Variants in SIGLEC5 observed in about 807,000 individuals in gnomAD.
SIGLEC5 encodes sialic acid-binding Ig-like lectin 5.
A neutral mutation model predicts 45.9 loss-of-function variants in SIGLEC5; 34 were observed. That is an observed-to-expected ratio of 0.74 (90% CI 0.56 to 0.99). The LOEUF (loss-of-function observed/expected upper bound fraction) is 0.99, where lower values mean the gene tolerates loss of function less well. Among genes scored for constraint, SIGLEC5 ranks in the 50% least tolerant of loss-of-function variants. The pLI is 0.00. For synonymous variants in SIGLEC5, 203 were observed against 258.6 expected, an observed-to-expected ratio of 0.79 and a Z score of 2.06; for missense variants, 508 against 629.6, an observed-to-expected ratio of 0.81 and a Z score of 2.07.
chr19:51,616,853 G>C (rs1426302850), intron 8 of SIGLEC5, among the ~76,000 whole-genome samples: 1 of 138,826 alleles, frequency 7.2e-6, no homozygotes, highest in African/African-American at 2.8e-5. Context: ...AGAGATTGCA[G>C]TGAGCCGAGA....
intron 8 of SIGLEC5, among the ~76,000 whole-genome samples, chr19:51,613,736 AGGT>A (rs886518639): frequency 3.3e-5 from 5 of 152,114 alleles, no homozygotes; most frequent in Admixed American, 1.3e-4. Flanking sequence ...AGGGAAACTG[AGGT>A]GGAGAGAGGT....
intron 8 of SIGLEC5, among the ~76,000 whole-genome samples, chr19:51,624,672 A>C (rs1983411850): frequency 6.6e-6 from 1 of 152,086 alleles, no homozygotes; most frequent in African/African-American, 2.4e-5. Flanking sequence ...GTCCTTCAAG[A>C]ATTCCACAGA....
At position 51,611,128 on chromosome 19, in the gene SIGLEC5, T is replaced by G. The variant is rs1982836557; in HGVS notation, c.*1103A>C. 6.6e-6 allele frequency among the ~76,000 whole-genome samples: 1 copy of G among 152,238 alleles called. No homozygotes were observed. Among genetic ancestry groups the G allele is most frequent in the African/African-American group, 2.4e-5 (1 of 41,468 alleles). The stretch of plus-strand genomic sequence containing the variant: ...TCCTCCCAGTACTCCACTGGAATTA[T>G]CCACTCATTTCCTCATGACCACTTG... On this transcript the variant is annotated 3_prime_UTR_variant, in exon 9 of 9. Coordinates refer to ENST00000683636, the MANE Select transcript of SIGLEC5 (RefSeq NM_003830.4).
At chr19:51,628,638 CAT>C (rs1415384251) in intron 4 of SIGLEC5, among the ~76,000 whole-genome samples, 4 of 147,788 alleles carry the variant, frequency 2.7e-5, no homozygotes, top group Non-Finnish European at 6.0e-5. Flanking sequence ...GGTGTATCTG[CAT>C]ATGTGTGTGT....
Position 51,627,546 on chromosome 19 carries a change from C to A in SIGLEC5, c.1198G>T (p.Gly400Trp), listed in dbSNP as rs749481373. The A allele has an allele frequency of 4.3e-6, 7 of 1,614,016 alleles. No homozygotes were observed. The highest frequency in any genetic ancestry group is 1.3e-5 in the African/African-American group (1 of 74,940). The change falls in exon 6 of 9, where the codon GGG becomes TGG. Residue 400 changes from glycine (G) to tryptophan (W), a missense_variant. Physicochemically the swap from Gly to Trp is radical, Grantham distance 184. Transcript: ENST00000683636. ...PWANSSLILH[G>W]GLSSDLKVSC... ...ACTTTGAGGTCGGAGCTGAGCCCCC[C>A]GTGGAGGATCAGGGAGCTGTTGGCC...
chr19:51,628,933 T>G, intron 4 of SIGLEC5, 105 bp downstream of exon 4: 1 of 1,165,922 alleles, frequency 8.6e-7, no homozygotes, highest in Non-Finnish European at 1.2e-6. Flanking sequence ...TAATTCTCAT[T>G]CTTGCTCTTC....
chr19:51,614,502 T>C (rs916702355), intron 8 of SIGLEC5, among the ~76,000 whole-genome samples: 1 of 152,028 alleles, frequency 6.6e-6, no homozygotes, highest in African/African-American at 2.4e-5. Context: ...AAAAATAGAC[T>C]TTCTGGAGAG....
chr19:51,625,891 G>T, intron 8 of SIGLEC5, 141 bp downstream of exon 8: 1 of 674,644 alleles, frequency 1.5e-6, no homozygotes. Context: ...TGATTTCCTG[G>T]CTCTGGGATA....
At chr19:51,623,060 C>T (rs772315850) in intron 8 of SIGLEC5, among the ~76,000 whole-genome samples, 13 of 152,144 alleles carry the variant, frequency 8.5e-5, no homozygotes, top group African/African-American at 1.2e-4. Flanking sequence ...TGCAACTCAA[C>T]GGATCAATGC....
At position 51,627,698 on chromosome 19, in the gene SIGLEC5, A is replaced by G. The variant is rs1171621754; in HGVS notation, c.1046T>C (p.Leu349Pro). 2 of 1,605,716 alleles carry G rather than the reference A, an allele frequency of 1.2e-6. No homozygotes were observed. The highest frequency in any genetic ancestry group is 1.7e-5 in the Admixed American group (1 of 59,170). The change falls in exon 6 of 9, where the codon CTG (leucine) becomes CCG (proline). Residue 349 changes from leucine to proline, a missense_variant. Transcript: ENST00000683636. ...GGCTCGAAAGGAGCATCTGCAGTGC[A>G]GACCCTCAGCCTCCCAGGAGCAGGA... ...GPSCSWEAEGLHCRCSFRARP... is the reference protein window; with the variant it reads ...GPSCSWEAEGPHCRCSFRARP...
At chr19:51,617,194 G>A (rs1983099785) in intron 8 of SIGLEC5, among the ~76,000 whole-genome samples, 1 of 151,146 alleles carries the variant, frequency 6.6e-6, no homozygotes, top group South Asian at 2.1e-4. Flanking sequence ...GGCGGAGCTT[G>A]CAGTGAGAGG....
At chr19:51,614,467 G>A (rs1171202835) in intron 8 of SIGLEC5, among the ~76,000 whole-genome samples, 1 of 152,024 alleles carries the variant, frequency 6.6e-6, no homozygotes, top group African/African-American at 2.4e-5. Context: ...CGCAGTTAGG[G>A]AAAAATGGCT....
intron 8 of SIGLEC5, among the ~76,000 whole-genome samples, chr19:51,624,624 G>A (rs1983410260): frequency 6.6e-6 from 1 of 151,982 alleles, no homozygotes; most frequent in African/African-American, 2.4e-5. Context: ...GAAACAGCAG[G>A]AGAGAAAACT....
Position 51,627,613 on chromosome 19 carries a change from G to A in SIGLEC5, c.1131C>T (p.Ser377=). The A allele has an allele frequency of 6.2e-7, 1 of 1,613,520 alleles. No individual in the cohort carries two copies. The highest frequency in any genetic ancestry group is 8.5e-7 in the Non-Finnish European group (1 of 1,179,952). The change falls in exon 6 of 9, where the codon AGC becomes AGT. Residue 377 remains serine, a synonymous_variant. Coordinates refer to ENST00000683636, the MANE Select transcript of SIGLEC5 (RefSeq NM_003830.4). ...TGGAGTTGACCTTGAATGAGCCCTG[G>A]CTGCTGTTCCCCTCCAGCGGCTTCT... The part of the protein sequence containing the change: ...LEEKPLEGNS[S]QGSFKVNSSS...
chr19:51,625,700 T>G (rs1983451086), intron 8 of SIGLEC5, among the ~76,000 whole-genome samples: 1 of 151,986 alleles, frequency 6.6e-6, no homozygotes, highest in Non-Finnish European at 1.5e-5. Context: ...CATGGTGGTG[T>G]GCGCCTGTAA....
chr19:51,613,813 G>T (rs575091957), intron 8 of SIGLEC5, among the ~76,000 whole-genome samples: 1 of 152,132 alleles, frequency 6.6e-6, no homozygotes, highest in African/African-American at 2.4e-5. Context: ...ACTCAGCCCT[G>T]TCTCCCCTGT....
intron 8 of SIGLEC5, among the ~76,000 whole-genome samples, chr19:51,624,457 C>T (rs935872860): frequency 1.3e-5 from 2 of 152,028 alleles, no homozygotes; most frequent in Non-Finnish European, 2.9e-5. Context: ...GGTGGGTTTG[C>T]AGTTATTTAT....
At chr19:51,617,887 A>G (rs1204335525) in intron 8 of SIGLEC5, among the ~76,000 whole-genome samples, 1 of 152,084 alleles carries the variant, frequency 6.6e-6, no homozygotes, top group African/African-American at 2.4e-5. Flanking sequence ...AAATATCAAC[A>G]TTGTAAAGAG....
At chr19:51,621,949 A>T (rs1372142215) in intron 8 of SIGLEC5, among the ~76,000 whole-genome samples, 1 of 152,232 alleles carries the variant, frequency 6.6e-6, no homozygotes, top group African/African-American at 2.4e-5. Context: ...ACTCTACATT[A>T]TCTCTTTAAA....
Sources: allele counts gnomAD v4.1 joint callset (sites outside exome capture counted in the v4.1 genomes callset), GRCh38; gene constraint gnomAD v4.1.1; transcripts MANE v1.5; gene names NCBI Gene and HGNC (gene_info 2026-07-23, HGNC 2026-07-21).